The following HTT variants were observed in gnomAD, a reference collection of about 807,000 sequenced individuals.
HTT encodes the protein huntingtin.
A neutral mutation model predicts 362.3 loss-of-function variants in HTT; 104 were observed. The ratio of observed to expected loss-of-function variants is 0.29; its 90% confidence interval spans 0.24 to 0.34. HTT has a LOEUF of 0.34. Ranked by LOEUF, HTT falls within the 10% of genes least tolerant of loss-of-function variation. The pLI, the probability that HTT is intolerant of heterozygous loss-of-function variation, is 1.00. For synonymous variants in HTT, 1,577 were observed against 1,548.7 expected, an observed-to-expected ratio of 1.02 and a Z score of -0.43; for missense variants, 3,301 against 3,928.6, an observed-to-expected ratio of 0.84 and a Z score of 4.27.
chr4:3,151,076 G>T (rs1327826544), intron 26 of HTT, among the ~76,000 whole-genome samples: 1 of 151,788 alleles, frequency 6.6e-6, no homozygotes, highest in African/African-American at 2.4e-5. Context: ...AAACCAGGCT[G>T]CACAGGAAGA....
intron 64 of HTT, among the ~76,000 whole-genome samples, chr4:3,237,820 G>A (rs944340136): frequency 6.6e-6 from 1 of 152,150 alleles, no homozygotes; most frequent in Admixed American, 6.5e-5. Flanking sequence ...AAGGGATACT[G>A]CTCAGGGGGC....
At chr4:3,094,337 A>T (rs1248931257) in intron 2 of HTT, among the ~76,000 whole-genome samples, 1 of 152,216 alleles carries the variant, frequency 6.6e-6, no homozygotes, top group African/African-American at 2.4e-5. Context: ...ACACAGTAAC[A>T]ATCTGATCTC....
At chr4:3,204,300 T>A in intron 42 of HTT, 152 bp downstream of exon 42, 1 of 723,192 alleles carries the variant, frequency 1.4e-6, no homozygotes, top group Non-Finnish European at 2.3e-6. Flanking sequence ...AATGTTTACT[T>A]CTGCTGTGAC....
chr4:3,111,000 T>C (rs1446594587), intron 6 of HTT, among the ~76,000 whole-genome samples: 2 of 152,104 alleles, frequency 1.3e-5, no homozygotes, highest in African/African-American at 2.4e-5. Flanking sequence ...CTTCTATTCA[T>C]TGTTATGTTT....
At chr4:3,095,397 G>A (rs1419189171) in intron 2 of HTT, among the ~76,000 whole-genome samples, 1 of 152,218 alleles carries the variant, frequency 6.6e-6, no homozygotes, top group South Asian at 2.1e-4. Context: ...ATGGCGGTGC[G>A]TGCCTGCAAT....
At chr4:3,149,759 C>T (rs978254252) in intron 26 of HTT, among the ~76,000 whole-genome samples, 1 of 152,216 alleles carries the variant, frequency 6.6e-6, no homozygotes, top group Non-Finnish European at 1.5e-5. Context: ...GAGTCCCAGC[C>T]TCAGCCCACA....
chr4:3,087,229 A>T (rs1260861335), intron 2 of HTT, among the ~76,000 whole-genome samples: 3 of 152,202 alleles, frequency 2.0e-5, no homozygotes, highest in Admixed American at 6.5e-5. Context: ...GTAATCTTTT[A>T]TGCAAAAATT....
At chr4:3,164,538 C>T (rs1481736311) in intron 29 of HTT, among the ~76,000 whole-genome samples, 1 of 152,070 alleles carries the variant, frequency 6.6e-6, no homozygotes, top group Non-Finnish European at 1.5e-5. Flanking sequence ...TTAAAGTCTC[C>T]CACTATTACC....
chr4:3,099,472 C>G (rs1454093391), intron 3 of HTT, 78 bp downstream of exon 3: 2 of 1,588,802 alleles, frequency 1.3e-6, no homozygotes, highest in Non-Finnish European at 1.7e-6. Context: ...ATTGAGTGTT[C>G]TTCTGTTTTG....
In HTT at chr4:3,221,822, C is replaced by G. The variant is rs79037732; in HGVS notation, c.7370-565C>G. Reference sequence around the variant, plus strand: ...ATCCCCGTTCCTACCTTGATACACTCTTTTTAATCTATTCTTCTAGACAGG... The same window carrying G: ...ATCCCCGTTCCTACCTTGATACACTGTTTTTAATCTATTCTTCTAGACAGG... On this transcript the variant is annotated intron_variant, in intron 53 of 66. Coordinates refer to ENST00000355072, the MANE Select transcript of HTT (RefSeq NM_001388492.1). 9.2e-3 allele frequency among the ~76,000 whole-genome samples: 1,399 copies of G among 152,376 alleles called. 11 individuals are homozygous for G. The highest frequency in any genetic ancestry group is 0.013 in the Non-Finnish European group (877 of 68,046).
At chr4:3,134,291 G>T (rs1395878722) in intron 18 of HTT, 110 bp from the exon 19 acceptor site, 1 of 904,416 alleles carries the variant, frequency 1.1e-6, no homozygotes. Flanking sequence ...CCTGGTTGCA[G>T]TTAAACCCAG....
chr4:3,178,340 A>T lies in HTT; in HGVS notation c.4506A>T (p.Val1502=). The T allele has an allele frequency of 6.2e-7, 1 of 1,611,194 alleles. No homozygotes were observed. The highest frequency in any genetic ancestry group is 1.1e-5 in the South Asian group (1 of 90,992). ...TTCCAAACATCTTTTTCTTCTTGGT[A>T]TTACTATCTTATGAACGCTATCATT... ...AIIPNIFFFL[V]LLSYERYHSK... The change falls in exon 35 of 67, where the codon GTA becomes GTT. Residue 1502 remains valine (V), a synonymous_variant. Transcript: ENST00000355072.
intron 40 of HTT, among the ~76,000 whole-genome samples, chr4:3,194,377 A>T (rs1368217553): frequency 6.6e-6 from 1 of 152,192 alleles, no homozygotes; most frequent in Non-Finnish European, 1.5e-5. Flanking sequence ...CCTGTTTACA[A>T]CATTTGGGGT....
intron 33 of HTT, among the ~76,000 whole-genome samples, chr4:3,176,029 T>G (rs954376296): frequency 2.2e-5 from 3 of 137,082 alleles, no homozygotes; most frequent in East Asian, 1.9e-4. Flanking sequence ...TTGTTTGTTT[T>G]TTTTTGTTTT....
intron 60 of HTT, among the ~76,000 whole-genome samples, chr4:3,232,279 C>G (rs1721293156): frequency 6.6e-6 from 1 of 152,154 alleles, no homozygotes; most frequent in Non-Finnish European, 1.5e-5. Context: ...CGGCCATTTC[C>G]CCTGCGGAGA....
chr4:3,215,297 T>C (rs1396394289), intron 51 of HTT, 86 bp downstream of exon 51: 1 of 963,868 alleles, frequency 1.0e-6, no homozygotes, highest in East Asian at 2.5e-5. Flanking sequence ...GCGGTGAGTG[T>C]GGACTCCTGG....
At chr4:3,179,436 T>TCTGTGAGAGGGTCA (rs1718392395) in intron 35 of HTT, among the ~76,000 whole-genome samples, 1 of 152,140 alleles carries the variant, frequency 6.6e-6, no homozygotes, top group African/African-American at 2.4e-5. Flanking sequence ...AGTATACCCA[T>TCTGTGAGAGGGTCA]GCGTGCATGC....
chr4:3,168,584 A>C (rs1369751442), intron 29 of HTT, among the ~76,000 whole-genome samples: 1 of 152,110 alleles, frequency 6.6e-6, no homozygotes, highest in African/African-American at 2.4e-5. Context: ...CATAATTGAA[A>C]TGTATTATGC....
chr4:3,142,352 A>G (rs1466844211), intron 22 of HTT, among the ~76,000 whole-genome samples: 2 of 152,128 alleles, frequency 1.3e-5, no homozygotes, highest in African/African-American at 4.8e-5. Context: ...CATGTGTTCT[A>G]AAGGAATTAG....
Sources: allele counts gnomAD v4.1 joint callset (sites outside exome capture counted in the v4.1 genomes callset), GRCh38; gene constraint gnomAD v4.1.1; transcripts MANE v1.5; gene names NCBI Gene and HGNC (gene_info 2026-07-23, HGNC 2026-07-21).